The following ANKMY1 variants were observed in gnomAD, a reference collection of about 807,000 sequenced individuals.
The protein encoded by ANKMY1 is ankyrin repeat and MYND domain containing 1, also known as ankyrin repeat and MYND domain-containing protein 1.
In ANKMY1, 98 loss-of-function variants were observed where a neutral mutation model predicts 102.0. That is an observed-to-expected ratio of 0.96 (90% CI 0.82 to 1.14). ANKMY1 has a LOEUF of 1.14. ANKMY1 is among the 50% of genes most tolerant of loss of function. ANKMY1 has a pLI of 0.00. For missense variants in ANKMY1, 1,330 were observed against 1,347.6 expected (o/e 0.99, Z 0.20); for synonymous variants, 582 against 559.9 (o/e 1.04, Z -0.56).
chr2:240,500,627 G>A, intron 13 of ANKMY1, 62 bp from the exon 14 acceptor site: 1 of 1,472,200 alleles, frequency 6.8e-7, no homozygotes, highest in Non-Finnish European at 9.4e-7. Context: ...AGCAGCGGAA[G>A]CACCGCCTGA....
chr2:240,560,959 C>A, upstream of ANKMY1: 1 of 1,516,322 alleles, frequency 6.6e-7, no homozygotes, highest in Non-Finnish European at 8.7e-7. Context: ...ATGGAGGCCG[C>A]GGTGCGCGCC....
chr2:240,557,741 A>T, intron 1 of ANKMY1, 140 bp downstream of exon 1: 1 of 461,396 alleles, frequency 2.2e-6, no homozygotes, highest in Non-Finnish European at 2.9e-6. Context: ...CGCCGCGCCC[A>T]CCTAACCCCA....
chr2:240,519,532 A>T (rs1319665889), intron 9 of ANKMY1, among the ~76,000 whole-genome samples: 1 of 152,144 alleles, frequency 6.6e-6, no homozygotes, highest in Admixed American at 6.5e-5. Context: ...CGCCTCTGAG[A>T]GGAGGAGCAG....
At chr2:240,522,767 T>C (rs1032825518) in intron 8 of ANKMY1, 18 of 152,114 alleles carry the variant, frequency 1.2e-4, no homozygotes, top group African/African-American at 4.3e-4. Context: ...CTTCAGGCAG[T>C]ATCACAAAAC....
At chr2:240,477,915 T>C (rs956776116), downstream of ANKMY1, among the ~76,000 whole-genome samples, 1 of 152,300 alleles carries the variant, frequency 6.6e-6, no homozygotes, top group South Asian at 2.1e-4. Context: ...ACACAAAGCG[T>C]TGGCCATGGT....
intron 4 of ANKMY1, among the ~76,000 whole-genome samples, chr2:240,546,028 C>T (rs1207298593): frequency 4.0e-5 from 6 of 151,888 alleles, no homozygotes; most frequent in African/African-American, 1.5e-4. Flanking sequence ...AGATACTCCT[C>T]AAGAAGAGCA....
intron 15 of ANKMY1, among the ~76,000 whole-genome samples, chr2:240,498,495 G>C (rs1302280819): frequency 1.1e-5 from 1 of 89,924 alleles, no homozygotes. Flanking sequence ...AGCTGAGGGG[G>C]GTGTGCGGGC....
chr2:240,522,606 A>G (rs1475956892), intron 8 of ANKMY1: 1 of 152,234 alleles, frequency 6.6e-6, no homozygotes, highest in Non-Finnish European at 1.5e-5. Context: ...CTCATGAACC[A>G]GCCTTCTGCG....
At chr2:240,486,029 G>A (rs1423435779) in intron 15 of ANKMY1, among the ~76,000 whole-genome samples, 1 of 152,024 alleles carries the variant, frequency 6.6e-6, no homozygotes, top group Non-Finnish European at 1.5e-5. Context: ...CATCTATAAA[G>A]GTTATAAATC....
chr2:240,538,794 T>A (rs902972219), intron 4 of ANKMY1, among the ~76,000 whole-genome samples: 1 of 152,168 alleles, frequency 6.6e-6, no homozygotes, highest in Non-Finnish European at 1.5e-5. Context: ...AATGCACCAG[T>A]CAGCACTCTG....
Position 240,485,403 on chromosome 2 carries a change from T to G in ANKMY1, c.2807-3142A>C, listed in dbSNP as rs544777980. ...GAGGATGTGGAGAAATAGGAATGCT[T>G]TTACACTGTTGGTGGGAATGTAAAT... is the stretch of plus-strand genomic sequence containing the variant. On this transcript the variant is annotated intron_variant, in intron 15 of 17. Coordinates refer to ENST00000401804, the MANE Select transcript of ANKMY1 (RefSeq NM_001282771.3). 7.1e-4 allele frequency among the ~76,000 whole-genome samples: 108 copies of G among 152,222 alleles called. 2 individuals are homozygous for G. Among genetic ancestry groups the G allele is most frequent in the African/African-American group, 2.5e-3 (104 of 41,540 alleles).
At chr2:240,533,374 G>C in intron 4 of ANKMY1, among the ~76,000 whole-genome samples, 1 of 152,130 alleles carries the variant, frequency 6.6e-6, no homozygotes, top group East Asian at 1.9e-4. Flanking sequence ...TCTAAAATCA[G>C]AGTTGTACAA....
At chr2:240,476,503 C>T (rs2074864382), downstream of ANKMY1, among the ~76,000 whole-genome samples, 1 of 150,038 alleles carries the variant, frequency 6.7e-6, no homozygotes, top group Admixed American at 6.8e-5. Context: ...AGAAAAAGCA[C>T]ATGGTCACCG....
chr2:240,515,019 G>A (rs2080922206), intron 9 of ANKMY1, among the ~76,000 whole-genome samples: 2 of 152,238 alleles, frequency 1.3e-5, no homozygotes, highest in Non-Finnish European at 2.9e-5. Context: ...GCTCTTGTGA[G>A]ACACAGGGCC....
chr2:240,511,767 C>T, intron 11 of ANKMY1, 94 bp downstream of exon 11: 2 of 1,439,422 alleles, frequency 1.4e-6, no homozygotes, highest in Non-Finnish European at 1.8e-6. Flanking sequence ...TAAGACTCAG[C>T]ATGAGAACAC....
Position 240,520,587 on chromosome 2 carries a change from C to T in ANKMY1, c.1833-54G>A. 1 of 1,555,202 alleles carries T rather than the reference C, an allele frequency of 6.4e-7. No homozygotes were observed. The highest frequency in any genetic ancestry group is 1.9e-5 in the Admixed American group (1 of 52,236). ...CTGGAGGGCAGGCACCTGCACTGCG[C>T]CCAGAACGGGGCCATGCCAGCGAGG... is the stretch of plus-strand genomic sequence containing the variant. On this transcript the variant is annotated intron_variant, in intron 8 of 17. Transcript: ENST00000401804. The surrounding 1 kb of genome is among the most constrained non-coding windows in gnomAD (Gnocchi z 4.8).
intron 13 of ANKMY1, among the ~76,000 whole-genome samples, chr2:240,507,276 C>A (rs1028475376): frequency 1.3e-5 from 2 of 152,054 alleles, no homozygotes; most frequent in South Asian, 2.1e-4. Flanking sequence ...TCCATGAGGA[C>A]CCCACCCCCA....
chr2:240,560,623 C>T, upstream of ANKMY1: 2 of 1,401,440 alleles, frequency 1.4e-6, no homozygotes, highest in Middle Eastern at 2.3e-4. Context: ...GACTCCTGGG[C>T]GGGCGCCTGA....
In ANKMY1 at chr2:240,506,054, G is replaced by A. The variant is rs887135977; in HGVS notation, c.2526+1506C>T. The stretch of plus-strand genomic sequence containing the variant: ...AGGCACCGGGGAGCCTCCTAACCCC[G>A]GACAAGATGCTGGGGAGCCCCCTAA... On this transcript the variant is annotated intron_variant, in intron 13 of 17. Coordinates refer to ENST00000401804, the MANE Select transcript of ANKMY1 (RefSeq NM_001282771.3). This position sits in a 1 kb window ranked among gnomAD's most constrained non-coding sequence, Gnocchi z 4.9. Among the ~76,000 whole-genome samples, 1 of 151,920 alleles carries A rather than the reference G, an allele frequency of 6.6e-6. No individual in the cohort carries two copies. Among genetic ancestry groups the A allele is most frequent in the Non-Finnish European group, 1.5e-5 (1 of 67,972 alleles).
Sources: gnomAD v4.1 joint callset for allele counts (sites outside exome capture counted in the v4.1 genomes callset) on GRCh38, gnomAD v4.1.1 for gene constraint, Gnocchi (gnomAD v3.1) non-coding constraint, MANE v1.5 for transcripts, NCBI Gene and HGNC (gene_info 2026-07-23, HGNC 2026-07-21) for gene names.